Variants in C6orf132 observed in about 807,000 individuals in gnomAD.
C6orf132 encodes the protein uncharacterized protein C6orf132.
Under a neutral mutation model 65.3 loss-of-function variants are expected in C6orf132, and 43 were observed. That is an observed-to-expected ratio of 0.66 (90% CI 0.52 to 0.85). C6orf132 has a LOEUF of 0.85. Among genes scored for constraint, C6orf132 ranks in the 40% least tolerant of loss-of-function variants. The probability of loss-of-function intolerance (pLI) is 0.00; values close to 1 mark genes in which losing one functional copy is unlikely to be tolerated. For synonymous variants in C6orf132, 631 were observed against 654.1 expected, an observed-to-expected ratio of 0.96 and a Z score of 0.54; for missense variants, 1,488 against 1,548.8, an observed-to-expected ratio of 0.96 and a Z score of 0.66.
At chr6:42,139,269 G>A (rs950863067) in intron 1 of C6orf132, among the ~76,000 whole-genome samples, 12 of 152,292 alleles carry the variant, frequency 7.9e-5, no homozygotes, top group African/African-American at 2.6e-4. Flanking sequence ...CACTCTCTCT[G>A]AGACTTTGAA....
chr6:42,123,447 GGAGAAGAAGGAGAAGGAGAAGA>G (rs1766718410), intron 2 of C6orf132, among the ~76,000 whole-genome samples: 2 of 44,084 alleles, frequency 4.5e-5, no homozygotes, highest in Non-Finnish European at 1.0e-4. Context: ...AGGAGAAGAA[GGAGAAGAAGGAGAAGGAGAAGA>G]AGGAGAAGGA....
In C6orf132 at chr6:42,106,196, G is replaced by A. The variant is rs1393584266; in HGVS notation, c.1716C>T (p.Ala572=). 8 of 1,537,210 alleles carry A rather than the reference G, an allele frequency of 5.2e-6. No individual in the cohort carries two copies. Among genetic ancestry groups the A allele is most frequent in the Non-Finnish European group, 6.1e-6 (7 of 1,146,892 alleles). ...SVRQIRNELE[A]RLSSAAEKEA... ...CCTTCTCTGCTGCTGAGGAGAGCCGGGCCTCCAGCTCATTCCGGATCTGCC... is the reference window on the plus strand; with the variant it reads ...CCTTCTCTGCTGCTGAGGAGAGCCGAGCCTCCAGCTCATTCCGGATCTGCC... Residue 572 remains alanine (A), a synonymous_variant, in exon 4 of 5, where the codon GCC becomes GCT. Coordinates refer to ENST00000341865, the MANE Select transcript of C6orf132 (RefSeq NM_001164446.3).
rs1234403015 is a variant in C6orf132 at position 42,106,268 on chromosome 6, C to G, written c.1644G>C (p.Leu548=). The part of the protein sequence containing the change: ...TETEAAPSLT[L]PSVDYIPQDS... ...CTTGGGGAATGTAGTCCACAGAGGG[C>G]AGGGTCAGGCTGGGGGCAGCCTCTG... The change falls in exon 4 of 5, where the codon CTG becomes CTC. Residue 548 remains leucine (L), a synonymous_variant. Transcript: ENST00000341865. The G allele has an allele frequency of 2.0e-6, 3 of 1,537,058 alleles. No individual in the cohort carries two copies. In the South Asian group the frequency reaches 3.6e-5, roughly 18 times the overall value.
chr6:42,137,885 G>A (rs1161835003), intron 1 of C6orf132, among the ~76,000 whole-genome samples: 3 of 151,940 alleles, frequency 2.0e-5, no homozygotes, highest in Non-Finnish European at 4.4e-5. Flanking sequence ...GACCATCCTG[G>A]CCAACATGGT....
chr6:42,104,971 ACTC>A lies in C6orf132; in HGVS notation c.2938_2940del (p.Glu980del), dbSNP rs150599390. On this transcript the variant is annotated inframe_deletion, in exon 4 of 5. Transcript: ENST00000341865. This position sits in a 1 kb window ranked among gnomAD's most constrained non-coding sequence, Gnocchi z 4.1. ...GGCGGTGGGATGACCTCGAAGTTGA[ACTC>A]CTCCTCCTCCTCCTCCCTCTTGTTC... 119 of 1,487,016 alleles carry A rather than the reference ACTC, an allele frequency of 8.0e-5. No homozygotes were observed. The East Asian group carries it at 9.7e-4, about 12-fold the overall frequency. The allele number at this position is 1,487,016 out of a possible 1,614,324, so 92.1% of individuals were successfully genotyped here.
intron 2 of C6orf132, 74 bp from the exon 3 acceptor site, chr6:42,110,365 G>T: frequency 1.7e-6 from 2 of 1,202,362 alleles, no homozygotes; most frequent in Non-Finnish European, 2.3e-6. Context: ...GCTCTTTGAG[G>T]CCATTTTACT....
Position 42,107,099 on chromosome 6 carries a change from G to A in C6orf132, c.813C>T (p.Ala271=). The change falls in exon 4 of 5, where the codon GCC becomes GCT. Residue 271 remains alanine, a synonymous_variant. Coordinates refer to ENST00000341865, the MANE Select transcript of C6orf132 (RefSeq NM_001164446.3). The part of the protein sequence containing the change: ...DVALNGRQAE[A]TRASPPRSPA... ...GGCTTCTCGGGGGGCTGGCTCTGGT[G>A]GCCTCTGCCTGCCTGCCATTCAGTG... The A allele has an allele frequency of 1.4e-6, 2 of 1,461,034 alleles. No homozygotes were observed. The highest frequency in any genetic ancestry group is 1.4e-5 in the South Asian group (1 of 72,744). The allele number at this position is 1,461,034 out of a possible 1,614,324, so 90.5% of individuals were successfully genotyped here. A position where few individuals can be genotyped will look rare whatever the true frequency, so the allele number is the denominator to read the frequency against.
chr6:42,102,115 T>C lies in C6orf132; in HGVS notation c.*1646A>G, dbSNP rs1766294969. 6.6e-6 allele frequency: 1 copy of C among 152,156 alleles called. No individual in the cohort carries two copies. The highest frequency in any genetic ancestry group is 1.5e-5 in the Non-Finnish European group (1 of 68,044). 9.4% of individuals were successfully genotyped at this position (152,156 alleles called of 1,614,324 possible). A position where few individuals can be genotyped will look rare whatever the true frequency, so the allele number is the denominator to read the frequency against. On this transcript the variant is annotated 3_prime_UTR_variant, in exon 5 of 5. Coordinates refer to ENST00000341865, the MANE Select transcript of C6orf132 (RefSeq NM_001164446.3). The stretch of plus-strand genomic sequence containing the variant: ...GTGATCACAGCATCTAAACCAGGAC[T>C]TTTTTGAAAAGTGGAAGGGGGTCTA...
chr6:42,113,323 G>A (rs537324418), intron 2 of C6orf132, among the ~76,000 whole-genome samples: 1 of 152,362 alleles, frequency 6.6e-6, no homozygotes, highest in African/African-American at 2.4e-5. Flanking sequence ...CTTGCCAGCA[G>A]TGTAGCCTTG....
At position 42,102,325 on chromosome 6, in the gene C6orf132, C is replaced by T. The variant is rs1176572088; in HGVS notation, c.*1436G>A. The T allele has an allele frequency of 6.8e-6, 1 of 146,690 alleles. No individual in the cohort carries two copies. Among genetic ancestry groups the T allele is most frequent in the Non-Finnish European group, 1.5e-5 (1 of 67,486 alleles). 9.1% of individuals were successfully genotyped at this position (146,690 alleles called of 1,614,324 possible). On this transcript the variant is annotated 3_prime_UTR_variant, in exon 5 of 5. Transcript: ENST00000341865. ...CACTGCAACCTCCACCTCCTGGGTTCGAGCGATTCTCCTGCCTCAGCGCCC... is the reference window on the plus strand; with the variant it reads ...CACTGCAACCTCCACCTCCTGGGTTTGAGCGATTCTCCTGCCTCAGCGCCC...
chr6:42,119,372 T>TCTCA (rs1766643371), intron 2 of C6orf132, among the ~76,000 whole-genome samples: 1 of 103,056 alleles, frequency 9.7e-6, no homozygotes, highest in Non-Finnish European at 1.8e-5. Flanking sequence ...TGAGACAGAG[T>TCTCA]CTCACTCTGT....
rs1231455756 is a variant in C6orf132 at position 42,107,378 on chromosome 6, C to T, written c.534G>A (p.Leu178=). 2 of 857,830 alleles carry T rather than the reference C, an allele frequency of 2.3e-6. No homozygotes were observed. The highest frequency in any genetic ancestry group is 3.4e-5 in the South Asian group (2 of 59,058). 53.1% of individuals were successfully genotyped at this position (857,830 alleles called of 1,614,324 possible). Residue 178 remains leucine (L), a synonymous_variant, in exon 4 of 5, where the codon CTG becomes CTA. Coordinates refer to ENST00000341865, the MANE Select transcript of C6orf132 (RefSeq NM_001164446.3). The part of the protein sequence containing the change: ...STAPPPPPLL[L]EPPPPPSMAP... ...CCATGCTGGGCGGGGGTGGGGGTTCCAGCAGCAGGGGAGGTGGTGGGGGTG... is the reference window on the plus strand; with the variant it reads ...CCATGCTGGGCGGGGGTGGGGGTTCTAGCAGCAGGGGAGGTGGTGGGGGTG...
At chr6:42,128,620 G>A (rs936988789) in intron 2 of C6orf132, 52 bp downstream of exon 2, 1 of 1,410,914 alleles carries the variant, frequency 7.1e-7, no homozygotes, top group South Asian at 1.2e-5. Flanking sequence ...GGGCAGCCTT[G>A]GTGTCCCCAG....
chr6:42,140,419 T>C (rs1269949614), intron 1 of C6orf132, among the ~76,000 whole-genome samples: 1 of 152,198 alleles, frequency 6.6e-6, no homozygotes, highest in African/African-American at 2.4e-5. Context: ...ATGTGTGTGG[T>C]ATTTTCCAGG....
intron 3 of C6orf132, among the ~76,000 whole-genome samples, chr6:42,107,859 C>T (rs1468655335): frequency 6.6e-6 from 1 of 152,138 alleles, no homozygotes; most frequent in Non-Finnish European, 1.5e-5. Flanking sequence ...GAGTCACCCT[C>T]TAACCTGTGC....
Position 42,103,242 on chromosome 6 carries a change from C to G in C6orf132, c.*519G>C, listed in dbSNP as rs1766323673. 1 of 398,450 alleles carries G rather than the reference C, an allele frequency of 2.5e-6. No individual in the cohort carries two copies. Among genetic ancestry groups the G allele is most frequent in the Admixed American group, 4.4e-5 (1 of 22,712 alleles). The allele number at this position is 398,450 out of a possible 1,614,324, so 24.7% of individuals were successfully genotyped here. On this transcript the variant is annotated 3_prime_UTR_variant, in exon 5 of 5. Transcript: ENST00000341865. ...TAGGAACCCCAGGTGTCCACTCTTGCTTGGGATGGCAGGTGATGGAGGCTA... is the reference window on the plus strand; with the variant it reads ...TAGGAACCCCAGGTGTCCACTCTTGGTTGGGATGGCAGGTGATGGAGGCTA...
At position 42,104,897 on chromosome 6, in the gene C6orf132, A is replaced by G. The variant is rs1385493342; in HGVS notation, c.3015T>C (p.Tyr1005=). 6.9e-7 allele frequency: 1 copy of G among 1,452,554 alleles called. No homozygotes were observed. The highest frequency in any genetic ancestry group is 9.0e-7 in the Non-Finnish European group (1 of 1,106,858). 90.0% of individuals were successfully genotyped at this position (1,452,554 alleles called of 1,614,324 possible). Residue 1005 remains tyrosine, a synonymous_variant, in exon 4 of 5, where the codon TAT becomes TAC. Coordinates refer to ENST00000341865, the MANE Select transcript of C6orf132 (RefSeq NM_001164446.3). This position sits in a 1 kb window ranked among gnomAD's most constrained non-coding sequence, Gnocchi z 4.1. The stretch of plus-strand genomic sequence containing the variant: ...GGGGAGGGGAGCTCTGGCGGCCCAG[A>G]TACTGGAGGGCCGGGGCCGGGGGCT... The part of the protein sequence containing the change: ...DPEPPAPALQ[Y]LGRQSSPPRN...
Position 42,104,915 on chromosome 6 carries a change from CG to C in C6orf132, c.2996del (p.Pro999ArgfsTer22), listed in dbSNP as rs1199024456. The C allele has an allele frequency of 6.9e-7, 1 of 1,455,966 alleles. No homozygotes were observed. Among genetic ancestry groups the C allele is most frequent in the Non-Finnish European group, 9.0e-7 (1 of 1,108,324 alleles). The allele number at this position is 1,455,966 out of a possible 1,614,324, so 90.2% of individuals were successfully genotyped here. A position where few individuals can be genotyped will look rare whatever the true frequency, so the allele number is the denominator to read the frequency against. ...GGCCCAGATACTGGAGGGCCGGGGC[CG>C]GGGGCTCAGGGTCATTGCTGAACTC... ...PPEFSNDPEP[P>X]APALQYLGRQ... On this transcript the variant is annotated frameshift_variant, in exon 4 of 5. Transcript: ENST00000341865. LOFTEE classifies it high-confidence loss of function. This position sits in a 1 kb window ranked among gnomAD's most constrained non-coding sequence, Gnocchi z 4.1.
Position 42,105,927 on chromosome 6 carries a change from G to A in C6orf132, c.1985C>T (p.Pro662Leu), listed in dbSNP as rs1241718999. ...PPKATLWPAT[P>L]PKATLGPATP... ...GGCTGGCCCAAGTGTGGCCTTGGGTGGTGTGGCTGGCCAAAGTGTAGCCTT... is the reference window on the plus strand; with the variant it reads ...GGCTGGCCCAAGTGTGGCCTTGGGTAGTGTGGCTGGCCAAAGTGTAGCCTT... Residue 662 changes from proline to leucine, a missense_variant, in exon 4 of 5, where the codon CCA becomes CTA. Physicochemically the swap from Pro to Leu is moderately conservative, Grantham distance 98 (BLOSUM62 -3). Transcript: ENST00000341865. 1 of 1,537,076 alleles carries A rather than the reference G, an allele frequency of 6.5e-7. No individual in the cohort carries two copies. The highest frequency in any genetic ancestry group is 8.7e-7 in the Non-Finnish European group (1 of 1,146,904).
Sources: gnomAD v4.1 joint callset for allele counts (sites outside exome capture counted in the v4.1 genomes callset) on GRCh38, gnomAD v4.1.1 for gene constraint, Gnocchi (gnomAD v3.1) non-coding constraint, MANE v1.5 for transcripts, NCBI Gene and HGNC (gene_info 2026-07-23, HGNC 2026-07-21) for gene names.